The following NRXN1 variants were observed in gnomAD, a reference collection of about 807,000 sequenced individuals.
The protein encoded by NRXN1 is neurexin 1.
In NRXN1, 39 loss-of-function variants were observed where a neutral mutation model predicts 150.9. The observed-to-expected ratio is 0.26, with a 90% CI of 0.20 to 0.34. NRXN1 has a LOEUF of 0.34. NRXN1 is among the 10% of genes least tolerant of loss of function. The pLI is 1.00. For missense variants in NRXN1, 1,815 were observed against 1,949.9 expected, an observed-to-expected ratio of 0.93 and a Z score of 1.30; for synonymous variants, 924 against 757.0, an observed-to-expected ratio of 1.22 and a Z score of -3.62.
At chr2:51,017,843 T>G (rs1359463021) in intron 2 of NRXN1, among the ~76,000 whole-genome samples, 1 of 152,102 alleles carries the variant, frequency 6.6e-6, no homozygotes, top group Non-Finnish European at 1.5e-5. Context: ...AAATCAATTT[T>G]TCACCAAAGT....
At chr2:50,294,282 G>A (rs12476164) in intron 17 of NRXN1, among the ~76,000 whole-genome samples, 12,781 of 152,168 alleles carry the variant, frequency 0.084, 621 homozygotes, top group Middle Eastern at 0.14. Flanking sequence ...TGTACATTGT[G>A]TCTAAGTCTT....
At chr2:50,380,281 T>TGTGTGTGTGTGC (rs2080856006) in intron 17 of NRXN1, among the ~76,000 whole-genome samples, 1 of 117,410 alleles carries the variant, frequency 8.5e-6, no homozygotes, top group African/African-American at 4.3e-5. Context: ...CACATATGTG[T>TGTGTGTGTGTGC]GTGTGTGTGT....
intron 17 of NRXN1, among the ~76,000 whole-genome samples, chr2:50,424,774 A>G (rs2084345381): frequency 6.6e-6 from 1 of 152,196 alleles, no homozygotes; most frequent in Non-Finnish European, 1.5e-5. Flanking sequence ...TATTTGTACT[A>G]AAAACCAAAG....
chr2:50,396,935 G>A (rs2082088426), intron 17 of NRXN1, among the ~76,000 whole-genome samples: 1 of 152,098 alleles, frequency 6.6e-6, no homozygotes, highest in South Asian at 2.1e-4. Context: ...AGGTTGATCG[G>A]CTATTGTAAG....
chr2:50,999,360 C>T (rs1471161829), intron 2 of NRXN1, among the ~76,000 whole-genome samples: 2 of 151,976 alleles, frequency 1.3e-5, no homozygotes, highest in Non-Finnish European at 2.9e-5. Flanking sequence ...CTCCTTTCTC[C>T]AAGCTTAGTT....
At chr2:50,541,687 A>G (rs1308049489) in intron 9 of NRXN1, among the ~76,000 whole-genome samples, 1 of 151,976 alleles carries the variant, frequency 6.6e-6, no homozygotes, top group Non-Finnish European at 1.5e-5. Flanking sequence ...ACACTTAAAC[A>G]CACATCCACC....
chr2:50,032,652 C>A (rs1689355055), intron 21 of NRXN1, among the ~76,000 whole-genome samples: 2 of 151,998 alleles, frequency 1.3e-5, no homozygotes, highest in South Asian at 4.1e-4. Context: ...AAGAGAGGAA[C>A]TTTAGGAGGT....
intron 17 of NRXN1, among the ~76,000 whole-genome samples, chr2:50,278,264 T>TATATTATATATTA (rs1553368503): frequency 1.5e-5 from 1 of 66,246 alleles, no homozygotes; most frequent in Non-Finnish European, 3.1e-5. Flanking sequence ...ATTATATATA[T>TATATTATATATTA]TATATATGTA....
chr2:50,234,753 G>T (rs1475535539), intron 18 of NRXN1, among the ~76,000 whole-genome samples: 1 of 152,010 alleles, frequency 6.6e-6, no homozygotes. Flanking sequence ...AAGAGAAAGG[G>T]TGTGTAGAGA....
intron 6 of NRXN1, among the ~76,000 whole-genome samples, chr2:50,621,451 A>T (rs1680002975): frequency 2.0e-5 from 3 of 152,126 alleles, no homozygotes; most frequent in Admixed American, 2.0e-4. Context: ...TTTTACAAGA[A>T]AAAAGCAGAC....
intron 8 of NRXN1, among the ~76,000 whole-genome samples, chr2:50,557,291 C>G (rs1270529436): frequency 2.6e-5 from 4 of 152,162 alleles, no homozygotes; most frequent in African/African-American, 9.7e-5. Context: ...CTTAACTTCA[C>G]TAACATGCAT....
intron 17 of NRXN1, among the ~76,000 whole-genome samples, chr2:50,286,661 TCAA>T (rs2152938740): frequency 6.6e-6 from 1 of 152,192 alleles, no homozygotes; most frequent in Admixed American, 6.5e-5. Flanking sequence ...ATTCATCAAA[TCAA>T]CAAAACTAGA....
chr2:50,262,748 G>A (rs1216856190), intron 17 of NRXN1, among the ~76,000 whole-genome samples: 4 of 151,964 alleles, frequency 2.6e-5, no homozygotes, highest in Non-Finnish European at 5.9e-5. Context: ...AGCTGCAGTG[G>A]TGTCATTTTC....
At chr2:50,824,170 G>C (rs1176395687) in intron 5 of NRXN1, among the ~76,000 whole-genome samples, 1 of 152,096 alleles carries the variant, frequency 6.6e-6, no homozygotes, top group Admixed American at 6.6e-5. Context: ...AGAATAAGAG[G>C]CTGAATGGAA....
chr2:50,274,153 A>G (rs1384290945), intron 17 of NRXN1, among the ~76,000 whole-genome samples: 1 of 152,200 alleles, frequency 6.6e-6, no homozygotes, highest in Non-Finnish European at 1.5e-5. Flanking sequence ...CAGACTGGAT[A>G]AAGAAGATGT....
intron 5 of NRXN1, among the ~76,000 whole-genome samples, chr2:50,667,721 C>G (rs1433090410): frequency 6.6e-6 from 1 of 151,882 alleles, no homozygotes; most frequent in East Asian, 1.9e-4. Flanking sequence ...ATACTGTATC[C>G]CTTCTTATCT....
intron 19 of NRXN1, among the ~76,000 whole-genome samples, chr2:50,075,543 A>G (rs1696953945): frequency 6.6e-6 from 1 of 152,170 alleles, no homozygotes; most frequent in Non-Finnish European, 1.5e-5. Flanking sequence ...TCTCAGCTCT[A>G]CCAGTAGGCA....
intron 17 of NRXN1, among the ~76,000 whole-genome samples, chr2:50,444,852 G>C (rs753300398): frequency 1.6e-4 from 25 of 152,072 alleles, no homozygotes; most frequent in Admixed American, 1.4e-3. Context: ...TTCACATTTT[G>C]TTCATCATAT....
At chr2:49,936,025 T>C (rs1039568302) in intron 22 of NRXN1, among the ~76,000 whole-genome samples, 2 of 152,190 alleles carry the variant, frequency 1.3e-5, no homozygotes, top group African/African-American at 4.8e-5. Context: ...AAAATTGTGA[T>C]GTGAAACCGA....
Sources: gnomAD v4.1 joint callset for allele counts (sites outside exome capture counted in the v4.1 genomes callset) on GRCh38, gnomAD v4.1.1 for gene constraint, MANE v1.5 for transcripts, NCBI Gene and HGNC (gene_info 2026-07-23, HGNC 2026-07-21) for gene names.